The following NFIC variants were observed in gnomAD, a reference collection of about 807,000 sequenced individuals.
NFIC encodes nuclear factor 1 C-type.
A neutral mutation model predicts 54.4 loss-of-function variants in NFIC; 12 were observed. The observed-to-expected ratio is 0.22, with a 90% CI of 0.14 to 0.36. The LOEUF is 0.36. NFIC is among the 10% of genes least tolerant of loss of function. The probability of loss-of-function intolerance (pLI) is 1.00; values close to 1 mark genes in which losing one functional copy is unlikely to be tolerated. For missense variants in NFIC, 575 were observed against 718.2 expected (o/e 0.80, Z 2.28); for synonymous variants, 322 against 319.2 (o/e 1.01, Z -0.09).
Position 3,463,448 on chromosome 19 carries a change from G to A in NFIC, c.*679G>A. The A allele has an allele frequency of 1.0e-6, 1 of 985,474 alleles. No individual in the cohort carries two copies. Among genetic ancestry groups the A allele is most frequent in the Non-Finnish European group, 1.2e-6 (1 of 830,028 alleles). The allele number at this position is 985,474 out of a possible 1,614,324, so 61.0% of individuals were successfully genotyped here. A position where few individuals can be genotyped will look rare whatever the true frequency, so the allele number is the denominator to read the frequency against. On this transcript the variant is annotated 3_prime_UTR_variant, in exon 11 of 11. Transcript: ENST00000443272. ...GCGTGGCGCTTGCGAGCCCTGGCCA[G>A]GGGAGGAAGTGAGGCCCAGGCACCT...
intron 2 of NFIC, among the ~76,000 whole-genome samples, chr19:3,393,816 CAAAAAAA>C (rs35101011): frequency 7.2e-5 from 4 of 55,734 alleles, no homozygotes; most frequent in Admixed American, 4.2e-4. Flanking sequence ...GACTCTGTCT[CAAAAAAA>C]AAAAAAAAAA....
At chr19:3,377,978 C>T (rs1599570821) in intron 1 of NFIC, among the ~76,000 whole-genome samples, 1 of 152,106 alleles carries the variant, frequency 6.6e-6, no homozygotes, top group Admixed American at 6.5e-5. Flanking sequence ...GCCACAGTGG[C>T]TCACACCTGT....
rs1442261253 is a variant in NFIC at position 3,375,469 on chromosome 19, T to C, written c.31-6243T>C. Among the ~76,000 whole-genome samples, 2 of 152,146 alleles carry C rather than the reference T, an allele frequency of 1.3e-5. No homozygotes were observed. Among genetic ancestry groups the C allele is most frequent in the Non-Finnish European group, 2.9e-5 (2 of 68,024 alleles). On this transcript the variant is annotated intron_variant, in intron 1 of 10. Transcript: ENST00000443272. The surrounding 1 kb of genome is among the most constrained non-coding windows in gnomAD (Gnocchi z 4.6). ...GACCCTGGACAAACCACTCCCCATC[T>C]CTGGGTCTCATCCAGTCAGGGGCAG...
intron 4 of NFIC, 149 bp downstream of exon 4, chr19:3,433,741 A>C (rs2082157065): frequency 3.4e-6 from 3 of 875,030 alleles, no homozygotes; most frequent in Non-Finnish European, 5.4e-6. Flanking sequence ...GGAGGTGGCC[A>C]GGCCCTTCCC....
upstream of NFIC, among the ~76,000 whole-genome samples, chr19:3,363,100 T>C (rs2145413110): frequency 6.6e-6 from 1 of 151,948 alleles, no homozygotes; most frequent in Admixed American, 6.6e-5. Flanking sequence ...CCATCTATAG[T>C]TGGAGCATTT....
chr19:3,436,671 C>G (rs894879596), intron 6 of NFIC, among the ~76,000 whole-genome samples: 23 of 151,556 alleles, frequency 1.5e-4, no homozygotes, highest in African/African-American at 5.1e-4. Context: ...GACAGTGTTT[C>G]ACCATGTTGG....
chr19:3,394,533 C>CCCG (rs1303364002), intron 2 of NFIC, among the ~76,000 whole-genome samples: 1 of 110,648 alleles, frequency 9.0e-6, no homozygotes, highest in Admixed American at 9.5e-5. Context: ...ACCCCCCACC[C>CCCG]GCTTACACTA....
At chr19:3,446,746 C>G (rs1670406227) in intron 6 of NFIC, among the ~76,000 whole-genome samples, 1 of 152,180 alleles carries the variant, frequency 6.6e-6, no homozygotes, top group Non-Finnish European at 1.5e-5. Flanking sequence ...AAAAGCTTCT[C>G]TGGGGCCAGG....
chr19:3,464,175 A>C lies in NFIC; in HGVS notation c.*1406A>C, dbSNP rs10426917. 0.012 allele frequency: 11,996 copies of C among 983,738 alleles called. 1,054 individuals are homozygous for C. The African/African-American group carries it at 0.19, about 16-fold the overall frequency. The allele number at this position is 983,738 out of a possible 1,614,324, so 60.9% of individuals were successfully genotyped here. A position where few individuals can be genotyped will look rare whatever the true frequency, so the allele number is the denominator to read the frequency against. ...ACCGCCGTTTGCACTTTCATCGCCT[A>C]CCCCGACGCGGGGCCCAGCTGCGGG... On this transcript the variant is annotated 3_prime_UTR_variant, in exon 11 of 11. Coordinates refer to ENST00000443272, the MANE Select transcript of NFIC (RefSeq NM_001245002.2).
intron 1 of NFIC, among the ~76,000 whole-genome samples, chr19:3,380,610 T>C (rs1199234042): frequency 6.9e-6 from 1 of 145,646 alleles, no homozygotes; most frequent in Non-Finnish European, 1.5e-5. Flanking sequence ...ATTACAGGTG[T>C]GAGCCACTGC....
Position 3,464,050 on chromosome 19 carries a change from G to A in NFIC, c.*1281G>A, listed in dbSNP as rs74656266. 146,019 of 985,124 alleles carry A rather than the reference G, an allele frequency of 0.15. 11,223 individuals are homozygous for A. Among genetic ancestry groups the A allele is most frequent in the South Asian group, 0.27 (5,848 of 21,288 alleles). The allele number at this position is 985,124 out of a possible 1,614,324, so 61.0% of individuals were successfully genotyped here. ...AGCGTCCTGCCCTGCCGGGGCGCGG[G>A]GGTGGGCTCTGGGGAAGCCGGTGCG... On this transcript the variant is annotated 3_prime_UTR_variant, in exon 11 of 11. Transcript: ENST00000443272.
At chr19:3,441,583 G>A (rs919818928) in intron 6 of NFIC, among the ~76,000 whole-genome samples, 1 of 152,272 alleles carries the variant, frequency 6.6e-6, no homozygotes, top group Admixed American at 6.5e-5. Context: ...CTGGCCCCTG[G>A]GCTGGAGCAG....
intron 10 of NFIC, among the ~76,000 whole-genome samples, chr19:3,457,398 G>T (rs887569520): frequency 6.6e-6 from 1 of 152,140 alleles, no homozygotes; most frequent in African/African-American, 2.4e-5. Context: ...TCTAGGGAGT[G>T]GGGGCGTGGG....
At chr19:3,399,687 C>G (rs557135434) in intron 2 of NFIC, among the ~76,000 whole-genome samples, 1 of 152,170 alleles carries the variant, frequency 6.6e-6, no homozygotes, top group Non-Finnish European at 1.5e-5. Flanking sequence ...GCCTGGCCAA[C>G]AAGGGGAAAC....
At chr19:3,394,120 ATTACT>A (rs2081419609) in intron 2 of NFIC, among the ~76,000 whole-genome samples, 1 of 151,740 alleles carries the variant, frequency 6.6e-6, no homozygotes, top group Non-Finnish European at 1.5e-5. Context: ...TAATTTTAAC[ATTACT>A]TTATTTAACC....
chr19:3,382,513 GGA>G (rs1440498592), intron 2 of NFIC, among the ~76,000 whole-genome samples: 1 of 152,068 alleles, frequency 6.6e-6, no homozygotes, highest in East Asian at 1.9e-4. Context: ...TATGGCACAA[GGA>G]GAGTCTGAGA....
intron 2 of NFIC, among the ~76,000 whole-genome samples, chr19:3,419,667 C>T: frequency 6.6e-6 from 1 of 151,754 alleles, no homozygotes; most frequent in Middle Eastern, 3.2e-3. Context: ...TTACAGGTGG[C>T]ACACACCTGT....
At chr19:3,460,196 GA>G (rs201139998) in intron 10 of NFIC, among the ~76,000 whole-genome samples, 4 of 152,234 alleles carry the variant, frequency 2.6e-5, no homozygotes, top group Non-Finnish European at 4.4e-5. Flanking sequence ...TGTGGAGCAA[GA>G]GGGGGCCATC....
chr19:3,417,166 T>G (rs769785507), intron 2 of NFIC, among the ~76,000 whole-genome samples: 59 of 151,430 alleles, frequency 3.9e-4, no homozygotes, highest in Admixed American at 1.4e-3. Context: ...ATTACAGGCG[T>G]GTGCCACCAC....
Sources: gnomAD v4.1 joint callset for allele counts (sites outside exome capture counted in the v4.1 genomes callset) on GRCh38, gnomAD v4.1.1 for gene constraint, Gnocchi (gnomAD v3.1) non-coding constraint, MANE v1.5 for transcripts, NCBI Gene and HGNC (gene_info 2026-07-23, HGNC 2026-07-21) for gene names.